KCNIP4: variants seen among roughly 807,000 people sequenced by gnomAD.
KCNIP4 encodes potassium voltage-gated channel interacting protein 4.
Under a neutral mutation model 34.0 loss-of-function variants are expected in KCNIP4, and 12 were observed. That is an observed-to-expected ratio of 0.35 (90% CI 0.23 to 0.57). The LOEUF (loss-of-function observed/expected upper bound fraction) is 0.57. Among genes scored for constraint, KCNIP4 ranks in the 20% least tolerant of loss-of-function variants. The pLI, the probability that KCNIP4 is intolerant of heterozygous loss-of-function variation, is 0.83. For synonymous variants in KCNIP4, 124 were observed against 102.2 expected, an observed-to-expected ratio of 1.21 and a Z score of -1.29; for missense variants, 238 against 311.7, an observed-to-expected ratio of 0.76 and a Z score of 1.78.
At chr4:21,743,431 A>T (rs931267022) in intron 1 of KCNIP4, among the ~76,000 whole-genome samples, 1 of 151,084 alleles carries the variant, frequency 6.6e-6, no homozygotes, top group Non-Finnish European at 1.5e-5. Context: ...ACTTATAGAG[A>T]ATCTTGTGAT....
intron 1 of KCNIP4, among the ~76,000 whole-genome samples, chr4:21,148,406 T>C (rs539800523): frequency 6.6e-6 from 1 of 152,248 alleles, no homozygotes; most frequent in East Asian, 1.9e-4. Context: ...AAAACCATAT[T>C]TGGGTGACTA....
chr4:21,948,459 G>A, intron 1 of KCNIP4, 112 bp downstream of exon 1: 1 of 1,183,836 alleles, frequency 8.4e-7, no homozygotes, highest in South Asian at 1.6e-5. Context: ...TGTGTCTCAT[G>A]CAGCGAAGGC....
intron 1 of KCNIP4, among the ~76,000 whole-genome samples, chr4:21,529,527 G>T (rs569358869): frequency 2.0e-5 from 3 of 152,162 alleles, no homozygotes; most frequent in Non-Finnish European, 4.4e-5. Flanking sequence ...AAATTGTATA[G>T]AAATCAATCT....
intron 1 of KCNIP4, among the ~76,000 whole-genome samples, chr4:21,125,726 A>G (rs1750559976): frequency 6.6e-6 from 1 of 152,154 alleles, no homozygotes. Flanking sequence ...TCTGTTTACA[A>G]AACAACCATA....
At chr4:21,341,137 G>T (rs1716724360) in intron 1 of KCNIP4, among the ~76,000 whole-genome samples, 3 of 152,058 alleles carry the variant, frequency 2.0e-5, no homozygotes, top group Admixed American at 2.0e-4. Context: ...GAACACTGAG[G>T]ATTGCCAACA....
At chr4:20,869,531 A>G (rs1208274771) in intron 2 of KCNIP4, among the ~76,000 whole-genome samples, 1 of 152,088 alleles carries the variant, frequency 6.6e-6, no homozygotes, top group Non-Finnish European at 1.5e-5. Context: ...GGAGCAGAAC[A>G]GTGCCTGGGA....
chr4:21,518,002 G>A (rs1271909818), intron 1 of KCNIP4, among the ~76,000 whole-genome samples: 1 of 152,142 alleles, frequency 6.6e-6, no homozygotes, highest in Non-Finnish European at 1.5e-5. Flanking sequence ...ACAGGACAAC[G>A]AAAGCTTTCA....
At chr4:21,602,043 C>G (rs912828290) in intron 1 of KCNIP4, among the ~76,000 whole-genome samples, 6 of 152,132 alleles carry the variant, frequency 3.9e-5, no homozygotes, top group Non-Finnish European at 8.8e-5. Context: ...TGTAAGGACA[C>G]CATTTCAATA....
chr4:21,280,612 C>G (rs1463573093), intron 1 of KCNIP4, among the ~76,000 whole-genome samples: 3 of 152,084 alleles, frequency 2.0e-5, no homozygotes, highest in Non-Finnish European at 4.4e-5. Context: ...ATTATTTTCC[C>G]CAAAAGTCCA....
At chr4:20,861,557 AAC>A (rs1001459048) in intron 2 of KCNIP4, among the ~76,000 whole-genome samples, 25 of 152,330 alleles carry the variant, frequency 1.6e-4, no homozygotes, top group African/African-American at 6.0e-4. Flanking sequence ...AAAATACAAA[AAC>A]AAACACCAAA....
At chr4:21,454,344 G>C (rs1728750265) in intron 1 of KCNIP4, among the ~76,000 whole-genome samples, 1 of 152,036 alleles carries the variant, frequency 6.6e-6, no homozygotes, top group African/African-American at 2.4e-5. Context: ...AGGAAACCCA[G>C]GGGAATAAAT....
chr4:20,929,109 G>A (rs1399768801), intron 1 of KCNIP4, among the ~76,000 whole-genome samples: 1 of 151,900 alleles, frequency 6.6e-6, no homozygotes, highest in Non-Finnish European at 1.5e-5. Context: ...TATCTCTGAT[G>A]AACATTGATG....
chr4:21,750,291 C>G (rs1035521883), intron 1 of KCNIP4, among the ~76,000 whole-genome samples: 1 of 152,022 alleles, frequency 6.6e-6, no homozygotes, highest in Non-Finnish European at 1.5e-5. Context: ...TCAAACATGC[C>G]AAAAAGAAGC....
At chr4:21,238,551 T>C (rs553008950) in intron 1 of KCNIP4, among the ~76,000 whole-genome samples, 1 of 152,302 alleles carries the variant, frequency 6.6e-6, no homozygotes, top group South Asian at 2.1e-4. Flanking sequence ...ACAAAATCAA[T>C]GTGCAAAAAT....
intron 3 of KCNIP4, among the ~76,000 whole-genome samples, chr4:20,845,602 C>G (rs77562870): frequency 6.6e-6 from 1 of 152,108 alleles, no homozygotes; most frequent in Non-Finnish European, 1.5e-5. Flanking sequence ...CAATTAGATG[C>G]GCACATAACA....
At chr4:21,781,882 T>C (rs1719594006) in intron 1 of KCNIP4, among the ~76,000 whole-genome samples, 1 of 152,060 alleles carries the variant, frequency 6.6e-6, no homozygotes, top group Non-Finnish European at 1.5e-5. Flanking sequence ...TTGACACCAG[T>C]AAACTTTATT....
At chr4:20,831,921 C>T (rs1718476073) in intron 3 of KCNIP4, among the ~76,000 whole-genome samples, 1 of 152,174 alleles carries the variant, frequency 6.6e-6, no homozygotes, top group Non-Finnish European at 1.5e-5. Context: ...CTATCCCCAT[C>T]CCACTTTCAA....
At chr4:21,803,526 A>G (rs1721121645) in intron 1 of KCNIP4, among the ~76,000 whole-genome samples, 1 of 151,450 alleles carries the variant, frequency 6.6e-6, no homozygotes, top group Non-Finnish European at 1.5e-5. Flanking sequence ...AAAGATCACA[A>G]TTTTCAACAT....
intron 1 of KCNIP4, among the ~76,000 whole-genome samples, chr4:21,441,982 A>G (rs1727522029): frequency 6.6e-6 from 1 of 152,226 alleles, no homozygotes; most frequent in Non-Finnish European, 1.5e-5. Flanking sequence ...CTATAGAAAA[A>G]GACAAGATAC....
Sources: gnomAD v4.1 joint callset for allele counts (sites outside exome capture counted in the v4.1 genomes callset) on GRCh38, gnomAD v4.1.1 for gene constraint, MANE v1.5 for transcripts, NCBI Gene and HGNC (gene_info 2026-07-23, HGNC 2026-07-21) for gene names.